GSN: variants seen among roughly 807,000 people sequenced by gnomAD.
The protein encoded by GSN is actin-depolymerizing factor.
A neutral mutation model predicts 85.7 loss-of-function variants in GSN; 56 were observed. The observed-to-expected ratio is 0.65, with a 90% CI of 0.53 to 0.82. The LOEUF is 0.82. Ranked by LOEUF, GSN falls within the 40% of genes least tolerant of loss-of-function variation. The pLI is 0.00. For missense variants in GSN, 857 were observed against 979.8 expected (o/e 0.87, Z 1.67); for synonymous variants, 373 against 399.1 (o/e 0.93, Z 0.78).
intron 11 of GSN, among the ~76,000 whole-genome samples, chr9:121,322,594 A>G (rs1040858396): frequency 6.6e-6 from 1 of 152,126 alleles, no homozygotes; most frequent in African/African-American, 2.4e-5. Flanking sequence ...GAGTAACTGC[A>G]CTTGTCATTT....
At chr9:121,207,963 T>TGTGTG (rs2053912153) in intron 1 of GSN, 1 of 79,576 alleles carries the variant, frequency 1.3e-5, no homozygotes, top group Admixed American at 1.7e-4. Flanking sequence ...GTGTGTGTAT[T>TGTGTG]TTTTGTAGAG....
rs1312306762 is a variant in GSN, at chr9:121,318,135, T to C, written c.887-271T>C. ...TTATTACTTAAGACTATTCTGTGAA[T>C]TAAATAATCTATGCATAGTTCTAAG... On this transcript the variant is annotated intron_variant, in intron 8 of 17. Coordinates refer to ENST00000432226, the MANE Select transcript of GSN (RefSeq NM_198252.3). The surrounding 1 kb of genome is among the most constrained non-coding windows in gnomAD (Gnocchi z 4.3). Among the ~76,000 whole-genome samples, 1 of 152,202 alleles carries C rather than the reference T, an allele frequency of 6.6e-6. No homozygotes were observed. Among genetic ancestry groups the C allele is most frequent in the Non-Finnish European group, 1.5e-5 (1 of 68,032 alleles).
At chr9:121,220,508 T>C (rs574631202) in intron 4 of GSN, among the ~76,000 whole-genome samples, 16 of 149,270 alleles carry the variant, frequency 1.1e-4, no homozygotes, top group Non-Finnish European at 2.0e-4. Context: ...CTCAGACAGG[T>C]TGAGGAACTT....
At chr9:121,277,047 C>A (rs2056769798) in intron 1 of GSN, among the ~76,000 whole-genome samples, 2 of 152,168 alleles carry the variant, frequency 1.3e-5, no homozygotes, top group African/African-American at 4.8e-5. Context: ...TCCCTGCCCC[C>A]ACCCCTCCAT....
At chr9:121,326,914 TACCA>T (rs1336593142) in intron 13 of GSN, 2 of 698,116 alleles carry the variant, frequency 2.9e-6, no homozygotes, top group Non-Finnish European at 5.3e-6. Context: ...GCTCACTACC[TACCA>T]TTCTGTACAA....
intron 6 of GSN, among the ~76,000 whole-genome samples, chr9:121,251,184 G>GTTTTTTTTT (rs1339859188): frequency 1.6e-3 from 10 of 6,352 alleles, no homozygotes; most frequent in Admixed American, 3.8e-3. Flanking sequence ...CAGCTGATGT[G>GTTTTTTTTT]TTCTTTTTTT....
intron 5 of GSN, chr9:121,239,449 A>G (rs879074049): frequency 5.2e-6 from 2 of 381,716 alleles, no homozygotes; most frequent in Admixed American, 6.3e-5. Flanking sequence ...AGCAAATACA[A>G]TTGGAAAATT....
rs1219388774 is a variant in GSN at position 121,321,776 on chromosome 9, C to CT, written c.1325+377dup. Among the ~76,000 whole-genome samples the CT allele has an allele frequency of 3.3e-5, 5 of 151,896 alleles. No individual in the cohort carries two copies. In the East Asian group the frequency reaches 9.7e-4, roughly 29 times the overall value. Reference sequence around the variant, plus strand: ...ATTTATTTTGAGACAGAGTTTTTCTCTTGTTGCCTAGGCTGGAGTGCAGTG... The same window carrying CT: ...ATTTATTTTGAGACAGAGTTTTTCTCTTTGTTGCCTAGGCTGGAGTGCAGTG... On this transcript the variant is annotated intron_variant, in intron 11 of 17. Coordinates refer to ENST00000432226, the MANE Select transcript of GSN (RefSeq NM_198252.3).
At chr9:121,312,112 C>A in intron 5 of GSN, 1 of 526,694 alleles carries the variant, frequency 1.9e-6, no homozygotes, top group South Asian at 2.4e-5. Context: ...GTAGTTGTAC[C>A]TGTGAAAAAA....
At chr9:121,312,108 G>T (rs111566365) in intron 5 of GSN, 2 of 524,018 alleles carry the variant, frequency 3.8e-6, no homozygotes. Context: ...AGATGTAGTT[G>T]TACCTGTGAA....
chr9:121,268,419 A>T (rs2055385043), intron 1 of GSN, among the ~76,000 whole-genome samples, 200 bp downstream of exon 1: 1 of 151,524 alleles, frequency 6.6e-6, no homozygotes, highest in Non-Finnish European at 1.5e-5. Context: ...GAGTTGGGGG[A>T]TGGGGAGACG....
At chr9:121,321,529 C>T in intron 11 of GSN, 128 bp downstream of exon 11, 3 of 804,908 alleles carry the variant, frequency 3.7e-6, no homozygotes, top group South Asian at 3.3e-5. Flanking sequence ...AGGCTTTTGT[C>T]CACAGGGCAA....
upstream of GSN, among the ~76,000 whole-genome samples, chr9:121,263,260 G>A (rs148619119): frequency 3.9e-4 from 59 of 152,252 alleles, no homozygotes; most frequent in African/African-American, 1.4e-3. Context: ...GTTGCGAGTA[G>A]AAATGCAATT....
chr9:121,315,132 A>G (rs545212708), intron 7 of GSN, among the ~76,000 whole-genome samples: 3 of 152,290 alleles, frequency 2.0e-5, no homozygotes, highest in African/African-American at 4.8e-5. Context: ...AAGTGCTGGG[A>G]TTACAGACCT....
At chr9:121,202,983 C>T (rs2053825093), upstream of GSN, among the ~76,000 whole-genome samples, 1 of 152,024 alleles carries the variant, frequency 6.6e-6, no homozygotes, top group Non-Finnish European at 1.5e-5. Flanking sequence ...AAAAATTAGC[C>T]GGGCGTGGTG....
intron 6 of GSN, among the ~76,000 whole-genome samples, chr9:121,256,906 A>G (rs1040080001): frequency 6.6e-6 from 1 of 152,180 alleles, no homozygotes; most frequent in Non-Finnish European, 1.5e-5. Context: ...AAGAAAAAGA[A>G]AAAAAGGAAT....
chr9:121,222,546 T>C (rs2054188903), intron 4 of GSN, among the ~76,000 whole-genome samples: 1 of 152,254 alleles, frequency 6.6e-6, no homozygotes, highest in South Asian at 2.1e-4. Flanking sequence ...ATTGTCTCTG[T>C]ACATTTATTT....
chr9:121,292,255 G>T (rs1046571817), intron 2 of GSN, among the ~76,000 whole-genome samples: 2 of 152,124 alleles, frequency 1.3e-5, no homozygotes, highest in Admixed American at 1.3e-4. Context: ...GAGGGGAGGG[G>T]GTGTCATTAG....
At chr9:121,217,128 G>A (rs2054078322) in intron 4 of GSN, among the ~76,000 whole-genome samples, 4 of 152,208 alleles carry the variant, frequency 2.6e-5, no homozygotes, top group Admixed American at 2.0e-4. Flanking sequence ...GTGAGGCCAA[G>A]GCGGGTGGAT....
Sources: allele counts gnomAD v4.1 joint callset (sites outside exome capture counted in the v4.1 genomes callset), GRCh38; gene constraint gnomAD v4.1.1; non-coding constraint Gnocchi (gnomAD v3.1); transcripts MANE v1.5; gene names NCBI Gene and HGNC (gene_info 2026-07-23, HGNC 2026-07-21).